The following DNAH7 variants were observed in gnomAD, a reference collection of about 807,000 sequenced individuals.
DNAH7 encodes the protein dynein axonemal heavy chain 7, also known as axonemal beta dynein heavy chain 7.
Under a neutral mutation model 444.6 loss-of-function variants are expected in DNAH7, and 397 were observed. The ratio of observed to expected loss-of-function variants is 0.89; its 90% CI spans 0.82 to 0.97. DNAH7 has a LOEUF of 0.97. Among genes scored for constraint, DNAH7 ranks in the 50% least tolerant of loss-of-function variants. The pLI, the probability that DNAH7 is intolerant of heterozygous loss-of-function variation, is 0.00. For missense variants in DNAH7, 4,902 were observed against 4,800.8 expected (o/e 1.02, Z -0.62); for synonymous variants, 1,636 against 1,624.4 (o/e 1.01, Z -0.17).
intron 30 of DNAH7, chr2:195,893,830 T>A (rs1457272005): frequency 6.6e-6 from 1 of 152,228 alleles, no homozygotes; most frequent in African/African-American, 2.4e-5. Context: ...CCAGAATACA[T>A]GCTCATATCT....
chr2:195,910,060 C>T lies in DNAH7; in HGVS notation c.4071G>A (p.Gly1357=). 5 of 1,612,774 alleles carry T rather than the reference C, an allele frequency of 3.1e-6. No homozygotes were observed. Among genetic ancestry groups the T allele is most frequent in the Non-Finnish European group, 3.4e-6 (4 of 1,179,406 alleles). Residue 1357 remains glycine (G), a synonymous_variant, in exon 25 of 65, where the codon GGG becomes GGA. Transcript: ENST00000312428. ...KQCVVFNCSD[G]LDYLALGKFF... The stretch of plus-strand genomic sequence containing the variant: ...ATTTTCCCAAAGCCAAATAATCCAA[C>T]CCATCAGAGCAGTTGAAAACAACAC...
chr2:195,817,905 G>C, intron 49 of DNAH7, 76 bp from the exon 50 acceptor site: 1 of 1,182,352 alleles, frequency 8.5e-7, no homozygotes, highest in Non-Finnish European at 1.2e-6. Context: ...GTCAAGTTCT[G>C]CCCTTAAAAT....
At chr2:196,010,683 G>A (rs1328372074) in intron 10 of DNAH7, among the ~76,000 whole-genome samples, 1 of 152,146 alleles carries the variant, frequency 6.6e-6, no homozygotes, top group Non-Finnish European at 1.5e-5. Flanking sequence ...TGGCCCATCA[G>A]TGGGTGAATA....
intron 18 of DNAH7, among the ~76,000 whole-genome samples, chr2:195,957,920 T>A (rs1352799034): frequency 6.6e-6 from 1 of 152,166 alleles, no homozygotes; most frequent in African/African-American, 2.4e-5. Context: ...AGTAAAGGTA[T>A]TCCCAATCAA....
chr2:196,054,097 C>A (rs1223930970), intron 2 of DNAH7, among the ~76,000 whole-genome samples: 2 of 152,200 alleles, frequency 1.3e-5, no homozygotes, highest in Non-Finnish European at 2.9e-5. Context: ...TCAGAGCCAC[C>A]AATAGGTTCC....
chr2:196,047,317 T>G, intron 5 of DNAH7, 35 bp downstream of exon 5: 1 of 1,488,898 alleles, frequency 6.7e-7, no homozygotes, highest in Admixed American at 2.1e-5. Flanking sequence ...GGCTCTAACA[T>G]GGGTAACACG....
At chr2:195,792,453 G>A (rs2105985458) in intron 57 of DNAH7, among the ~76,000 whole-genome samples, 1 of 144,650 alleles carries the variant, frequency 6.9e-6, no homozygotes, top group African/African-American at 2.6e-5. Flanking sequence ...AAAACAGGGG[G>A]AGATGACTTC....
chr2:195,995,265 T>A (rs932952524), intron 12 of DNAH7: 7 of 443,426 alleles, frequency 1.6e-5, no homozygotes, highest in Non-Finnish European at 3.1e-5. Flanking sequence ...GCTTTGAATG[T>A]TGGTGATATC....
At chr2:195,855,688 G>T in intron 45 of DNAH7, 123 bp downstream of exon 45, 1 of 1,037,928 alleles carries the variant, frequency 9.6e-7, no homozygotes, top group Non-Finnish European at 1.4e-6. Flanking sequence ...TGGCCTGCGG[G>T]TCATAGTTTG....
chr2:195,779,503 T>C (rs938783217), intron 58 of DNAH7, among the ~76,000 whole-genome samples: 1 of 152,204 alleles, frequency 6.6e-6, no homozygotes, highest in Non-Finnish European at 1.5e-5. Context: ...TTTGCATTTC[T>C]AGAACAATAG....
At chr2:195,924,136 A>G (rs1688189986) in intron 22 of DNAH7, among the ~76,000 whole-genome samples, 1 of 152,194 alleles carries the variant, frequency 6.6e-6, no homozygotes, top group South Asian at 2.1e-4. Flanking sequence ...TGACTAAACC[A>G]GAGCCAATCA....
intron 46 of DNAH7, among the ~76,000 whole-genome samples, chr2:195,852,136 T>C (rs1023243208): frequency 6.6e-6 from 1 of 151,988 alleles, no homozygotes; most frequent in Non-Finnish European, 1.5e-5. Context: ...CGGGCACCTG[T>C]AGTCCCAGCT....
chr2:196,039,586 C>G (rs1391796159), intron 5 of DNAH7, among the ~76,000 whole-genome samples: 2 of 151,858 alleles, frequency 1.3e-5, no homozygotes. Flanking sequence ...TCACTTGAGG[C>G]CAGGAGTTAG....
At chr2:196,065,863 C>T (rs1425237808) in intron 1 of DNAH7, among the ~76,000 whole-genome samples, 2 of 152,208 alleles carry the variant, frequency 1.3e-5, no homozygotes, top group Non-Finnish European at 2.9e-5. Context: ...GTTCTCTTAA[C>T]CTTACCTTTC....
Position 196,047,466 on chromosome 2 carries a change from T to G in DNAH7, c.284A>C (p.Lys95Thr). Residue 95 changes from lysine (K) to threonine (T), a missense_variant, in exon 5 of 65, where the codon AAA becomes ACA. Transcript: ENST00000312428. ...ACTATCATCAACTTGGTGGGGTAAT[T>G]TGCCCTTTTTTCCAAAACGTTCCAT... ...EYMERFGKKGKLPHQVDDSYV... is the reference protein window; with the variant it reads ...EYMERFGKKGTLPHQVDDSYV... The G allele has an allele frequency of 6.3e-7, 1 of 1,599,796 alleles. No individual in the cohort carries two copies.
chr2:196,054,642 G>A (rs1368924860), intron 2 of DNAH7, among the ~76,000 whole-genome samples: 1 of 152,160 alleles, frequency 6.6e-6, no homozygotes, highest in Non-Finnish European at 1.5e-5. Context: ...TGAGTGACAT[G>A]GTTTGGCTGT....
At chr2:196,025,338 A>C (rs1417943510) in intron 7 of DNAH7, among the ~76,000 whole-genome samples, 4 of 152,186 alleles carry the variant, frequency 2.6e-5, no homozygotes, top group African/African-American at 9.7e-5. Flanking sequence ...TCTTCTGCCC[A>C]TATTTCAAGA....
intron 63 of DNAH7, among the ~76,000 whole-genome samples, chr2:195,745,716 A>C (rs1693358560): frequency 6.6e-6 from 1 of 152,208 alleles, no homozygotes. Context: ...TTCTTAAAGA[A>C]TTTTCAACCC....
chr2:195,744,267 C>A (rs940521955), intron 63 of DNAH7, among the ~76,000 whole-genome samples: 8 of 152,202 alleles, frequency 5.3e-5, no homozygotes, highest in African/African-American at 1.9e-4. Context: ...ATTGCTAGCA[C>A]AGCAGTCTGA....
Sources: allele counts gnomAD v4.1 joint callset (sites outside exome capture counted in the v4.1 genomes callset), GRCh38; gene constraint gnomAD v4.1.1; transcripts MANE v1.5; gene names NCBI Gene and HGNC (gene_info 2026-07-23, HGNC 2026-07-21).